Variants in ERICH1 observed in about 807,000 individuals in gnomAD.
ERICH1 encodes glutamate rich 1.
Under a neutral mutation model 39.6 loss-of-function variants are expected in ERICH1, and 56 were observed. The ratio of observed to expected loss-of-function variants is 1.41; its 90% CI spans 1.14 to 1.77. The LOEUF is 1.77. Among genes scored for constraint, ERICH1 ranks in the 40% most tolerant of loss-of-function variants. The pLI, the probability that ERICH1 is intolerant of heterozygous loss-of-function variation, is 0.00. For missense variants in ERICH1, 826 were observed against 575.4 expected (o/e 1.44, Z -4.45); for synonymous variants, 313 against 223.6 (o/e 1.40, Z -3.57).
At chr8:664,731 A>AT (rs1168423755) in intron 5 of ERICH1, 55 bp from the exon 6 acceptor site, 24 of 1,445,098 alleles carry the variant, frequency 1.7e-5, no homozygotes, top group Middle Eastern at 2.2e-4. Context: ...AAGAAAAATC[A>AT]TAAGTTATTA....
intron 3 of ERICH1, among the ~76,000 whole-genome samples, chr8:618,582 G>C (rs1797084514): frequency 6.6e-6 from 1 of 152,214 alleles, no homozygotes; most frequent in Non-Finnish European, 1.5e-5. Context: ...CTGTCTTTCA[G>C]AGACCTTGGG....
chr8:642,380 T>G (rs922805375), intron 3 of ERICH1, among the ~76,000 whole-genome samples: 1 of 137,612 alleles, frequency 7.3e-6, no homozygotes, highest in East Asian at 2.3e-4. Flanking sequence ...AGTCTCGCTC[T>G]GTCGCCCAGG....
rs878977018 is a variant in ERICH1, at chr8:673,437, G to A, written c.915C>T (p.Asp305=). Residue 305 remains aspartate (D), a synonymous_variant, in exon 4 of 6, where the codon GAC becomes GAT. Coordinates refer to ENST00000262109, the MANE Select transcript of ERICH1 (RefSeq NM_207332.3). ...CCTCTTCCTCCCCAGCCCATGTCGG[G>A]TCTTCCTCGCTGGCGTCCGCACCGT... is the stretch of plus-strand genomic sequence containing the variant. The part of the protein sequence containing the change: ...EEDGADASEE[D]PTWAGEEEGA... The A allele has an allele frequency of 1.2e-6, 2 of 1,612,870 alleles. No homozygotes were observed. The highest frequency in any genetic ancestry group is 1.1e-5 in the South Asian group (1 of 90,884).
rs1817929270 is a variant in ERICH1, at chr8:723,855, A to G, written c.22+7285T>C. On this transcript the variant is annotated intron_variant, in intron 1 of 5. Transcript: ENST00000262109. ...TTTTATCCCTATAATGAGGCAAGGT[A>G]TTTAGCCTTTGACTATAATCTAGAA... Among the ~76,000 whole-genome samples, 3 of 152,150 alleles carry G rather than the reference A, an allele frequency of 2.0e-5. 1 individual carries two copies. The South Asian group carries it at 6.2e-4, about 32-fold the overall frequency.
At chr8:681,691 C>T (rs1806149352) in intron 3 of ERICH1, among the ~76,000 whole-genome samples, 1 of 152,214 alleles carries the variant, frequency 6.6e-6, no homozygotes, top group East Asian at 1.9e-4. Context: ...ATGATGTTTT[C>T]ACTGTGCTGT....
chr8:670,769 C>T (rs936348919), intron 4 of ERICH1, among the ~76,000 whole-genome samples: 1 of 152,140 alleles, frequency 6.6e-6, no homozygotes, highest in Non-Finnish European at 1.5e-5. Context: ...CCGGCCCCAG[C>T]TCCAACCTCT....
intron 3 of ERICH1, among the ~76,000 whole-genome samples, chr8:687,691 G>C (rs1807770294): frequency 2.6e-5 from 4 of 152,292 alleles, no homozygotes; most frequent in Non-Finnish European, 2.9e-5. Flanking sequence ...GCGCTGACCG[G>C]ACCCAGGGCT....
chr8:688,060 C>T (rs1360899086), intron 3 of ERICH1, among the ~76,000 whole-genome samples: 1 of 152,158 alleles, frequency 6.6e-6, no homozygotes, highest in African/African-American at 2.4e-5. Context: ...CGGCGGCGCG[C>T]GGTCAAATTC....
chr8:711,815 G>T (rs969181478), intron 2 of ERICH1, among the ~76,000 whole-genome samples: 3 of 152,134 alleles, frequency 2.0e-5, no homozygotes, highest in African/African-American at 4.8e-5. Flanking sequence ...TTTTTAGTAA[G>T]ATTTTTTTGT....
rs375281433 is a variant in ERICH1, at chr8:668,584, C to A, written c.1258+14G>T. 45 of 1,614,052 alleles carry A rather than the reference C, an allele frequency of 2.8e-5. No individual in the cohort carries two copies. The African/African-American group carries it at 5.7e-4, about 21-fold the overall frequency. On this transcript the variant is annotated intron_variant, in intron 5 of 5. Coordinates refer to ENST00000262109, the MANE Select transcript of ERICH1 (RefSeq NM_207332.3). The stretch of plus-strand genomic sequence containing the variant: ...ATCTTAAGCAGGACCTTGAATAAAT[C>A]GTACGGTACTTACCAGGAGGCATCG...
At chr8:715,258 G>T (rs775494850) in intron 2 of ERICH1, among the ~76,000 whole-genome samples, 2 of 151,858 alleles carry the variant, frequency 1.3e-5, no homozygotes, top group East Asian at 3.9e-4. Flanking sequence ...GTCTATTCCC[G>T]TGTCTCTCAG....
chr8:692,587 G>C lies in ERICH1; in HGVS notation c.195C>G (p.Ala65=), dbSNP rs1376063210. ...LTDTGSETPT[A]RRLYTASGPP... ...GCCCGCTGGCAGTGTAGAGCCGTCG[G>C]GCAGTCGGGGTCTCAGAGCCAGTGT... is the stretch of plus-strand genomic sequence containing the variant. The change falls in exon 3 of 6, where the codon GCC becomes GCG. Residue 65 remains alanine (A), a synonymous_variant. Coordinates refer to ENST00000262109, the MANE Select transcript of ERICH1 (RefSeq NM_207332.3). 7 of 1,607,226 alleles carry C rather than the reference G, an allele frequency of 4.4e-6. No homozygotes were observed. Among genetic ancestry groups the C allele is most frequent in the Non-Finnish European group, 6.0e-6 (7 of 1,176,166 alleles).
intron 4 of ERICH1, among the ~76,000 whole-genome samples, chr8:669,935 A>G (rs903853165): frequency 4.7e-4 from 72 of 152,214 alleles, no homozygotes; most frequent in African/African-American, 1.7e-3. Context: ...TCCTGTAACA[A>G]TGGTGTAAAA....
chr8:686,176 A>T (rs564226990), intron 3 of ERICH1, among the ~76,000 whole-genome samples: 9 of 152,142 alleles, frequency 5.9e-5, no homozygotes, highest in African/African-American at 2.2e-4. Context: ...CATCATCATC[A>T]TCTTCTACCT....
chr8:629,759 C>G (rs1355893872), intron 3 of ERICH1, among the ~76,000 whole-genome samples: 1 of 139,608 alleles, frequency 7.2e-6, no homozygotes, highest in Non-Finnish European at 1.5e-5. Flanking sequence ...AGAGCTGACT[C>G]ACACCCTCCT....
rs143454028 is a variant in ERICH1, at chr8:707,656, A to T, written c.169+8205T>A. Among the ~76,000 whole-genome samples, 3 of 152,318 alleles carry T rather than the reference A, an allele frequency of 2.0e-5. No homozygotes were observed. In the East Asian group the frequency reaches 5.8e-4, roughly 29 times the overall value. On this transcript the variant is annotated intron_variant, in intron 2 of 5. Transcript: ENST00000262109. ...ACACAACATCAGCTGAAAACGGATC[A>T]AGGACCTACACATAAGTGCTAAAAC...
At chr8:625,513 G>A (rs1041984665) in intron 3 of ERICH1, among the ~76,000 whole-genome samples, 1 of 152,164 alleles carries the variant, frequency 6.6e-6, no homozygotes, top group Admixed American at 6.5e-5. Flanking sequence ...AGCACGGGGT[G>A]TCTTGGGGGT....
At chr8:671,505 G>A (rs1259370951) in intron 4 of ERICH1, among the ~76,000 whole-genome samples, 5 of 142,598 alleles carry the variant, frequency 3.5e-5, no homozygotes, top group African/African-American at 1.3e-4. Context: ...TCTAATGTCT[G>A]TGCTCACTGG....
At chr8:672,457 C>T (rs1411925566) in intron 4 of ERICH1, among the ~76,000 whole-genome samples, 1 of 152,194 alleles carries the variant, frequency 6.6e-6, no homozygotes, top group East Asian at 1.9e-4. Flanking sequence ...TATTACATAG[C>T]TGATATTTCT....
Sources: gnomAD v4.1 joint callset for allele counts (sites outside exome capture counted in the v4.1 genomes callset) on GRCh38, gnomAD v4.1.1 for gene constraint, MANE v1.5 for transcripts, NCBI Gene and HGNC (gene_info 2026-07-23, HGNC 2026-07-21) for gene names.